The following HTR4 variants were observed in gnomAD, a reference collection of about 807,000 sequenced individuals.
The protein encoded by HTR4 is 5-hydroxytryptamine (serotonin) receptor 4, G protein-coupled.
A neutral mutation model predicts 36.8 loss-of-function variants in HTR4; 16 were observed. That is an observed-to-expected ratio of 0.43 (90% CI 0.29 to 0.66). The LOEUF is 0.66. Ranked by LOEUF, HTR4 falls within the 30% of genes least tolerant of loss-of-function variation. HTR4 has a pLI of 0.13. For missense variants in HTR4, 438 were observed against 490.9 expected (o/e 0.89, Z 1.02); for synonymous variants, 189 against 185.1 (o/e 1.02, Z -0.17).
chr5:148,582,983 T>G lies in HTR4; in HGVS notation c.27-32721A>C, dbSNP rs1279488256. 2.0e-5 allele frequency among the ~76,000 whole-genome samples: 3 copies of G among 151,608 alleles called. No individual in the cohort carries two copies. The East Asian group carries it at 5.8e-4, about 29-fold the overall frequency. The stretch of plus-strand genomic sequence containing the variant: ...CTTCCAACACTATGTTGAATAGCAG[T>G]GGTGAGAGAGGGCATCCCTGTCTTG... On this transcript the variant is annotated intron_variant, in intron 2 of 6. Transcript: ENST00000377888.
intron 2 of HTR4, among the ~76,000 whole-genome samples, chr5:148,562,678 A>G (rs1760266690): frequency 6.6e-6 from 1 of 152,188 alleles, no homozygotes; most frequent in Admixed American, 6.5e-5. Flanking sequence ...AACATGTTCA[A>G]AATTGAACTC....
intron 5 of HTR4, among the ~76,000 whole-genome samples, chr5:148,516,158 T>C (rs1418040517): frequency 2.0e-5 from 3 of 151,592 alleles, no homozygotes; most frequent in Non-Finnish European, 4.4e-5. Context: ...TCCTCTTGAA[T>C]TGATATTGTT....
chr5:148,597,650 CACTG>C (rs1008297430), intron 2 of HTR4, among the ~76,000 whole-genome samples: 1 of 152,204 alleles, frequency 6.6e-6, no homozygotes, highest in Non-Finnish European at 1.5e-5. Flanking sequence ...GCTCCCCAAC[CACTG>C]TCTAGCCTCT....
chr5:148,515,468 T>G (rs1039143366), intron 5 of HTR4, among the ~76,000 whole-genome samples: 1 of 152,212 alleles, frequency 6.6e-6, no homozygotes, highest in Non-Finnish European at 1.5e-5. Context: ...CTGGGATTAT[T>G]TTCTTTTTGA....
intron 6 of HTR4, among the ~76,000 whole-genome samples, chr5:148,507,924 AT>A (rs1454941200): frequency 2.0e-5 from 3 of 152,190 alleles, no homozygotes; most frequent in African/African-American, 7.2e-5. Context: ...TTATGGTTGA[AT>A]TCTTTCTATG....
chr5:148,510,472 C>CTTGCACA (rs1757445985), intron 5 of HTR4, among the ~76,000 whole-genome samples: 1 of 152,216 alleles, frequency 6.6e-6, no homozygotes, highest in Non-Finnish European at 1.5e-5. Flanking sequence ...AGATCAGTCT[C>CTTGCACA]TTAACAGAAT....
At chr5:148,524,464 C>T (rs1343003861) in intron 4 of HTR4, among the ~76,000 whole-genome samples, 1 of 152,122 alleles carries the variant, frequency 6.6e-6, no homozygotes, top group Non-Finnish European at 1.5e-5. Context: ...CTTTTGATTC[C>T]ATGTTCTGCC....
exon 6 of HTR4, chr5:148,451,075 A>G: frequency 3.8e-6 from 6 of 1,565,666 alleles, no homozygotes; most frequent in Non-Finnish European, 5.2e-6. Flanking sequence ...CTCAGCCCCT[A>G]CTACCTGATG....
chr5:148,555,030 AT>A (rs1759877068), intron 2 of HTR4, among the ~76,000 whole-genome samples: 1 of 151,338 alleles, frequency 6.6e-6, no homozygotes, highest in Non-Finnish European at 1.5e-5. Context: ...TAAAATGCTT[AT>A]TTTATATATT....
intron 5 of HTR4, among the ~76,000 whole-genome samples, chr5:148,512,142 T>A (rs1757527708): frequency 2.0e-5 from 3 of 152,204 alleles, no homozygotes; most frequent in Admixed American, 1.3e-4. Context: ...CAGTCCCAAT[T>A]CTTGCAGCTG....
chr5:148,510,263 G>T (rs1195276306), intron 5 of HTR4, among the ~76,000 whole-genome samples: 2 of 152,144 alleles, frequency 1.3e-5, no homozygotes, highest in African/African-American at 4.8e-5. Flanking sequence ...TTTCTTATAA[G>T]CCTACAATAC....
chr5:148,487,434 G>A (rs1202175911), intron 6 of HTR4, among the ~76,000 whole-genome samples: 1 of 152,072 alleles, frequency 6.6e-6, no homozygotes, highest in Non-Finnish European at 1.5e-5. Context: ...GGAGGAGGAG[G>A]AGGAGAATCA....
chr5:148,565,199 A>C (rs1023690262), intron 2 of HTR4, among the ~76,000 whole-genome samples: 2 of 151,980 alleles, frequency 1.3e-5, no homozygotes, highest in Non-Finnish European at 2.9e-5. Context: ...AATCCTAGCT[A>C]TTAATATTCA....
intron 4 of HTR4, among the ~76,000 whole-genome samples, chr5:148,545,301 G>A (rs1759332996): frequency 6.6e-6 from 1 of 152,210 alleles, no homozygotes; most frequent in Admixed American, 6.5e-5. Context: ...TTATTGGCAT[G>A]ACTCTCACAA....
At chr5:148,557,886 G>A (rs572455035) in intron 2 of HTR4, among the ~76,000 whole-genome samples, 24 of 151,370 alleles carry the variant, frequency 1.6e-4, no homozygotes, top group African/African-American at 5.6e-4. Context: ...AGGGAAACTA[G>A]AGTACTTTTT....
At chr5:148,603,989 A>G (rs980882898) in intron 2 of HTR4, among the ~76,000 whole-genome samples, 1 of 152,134 alleles carries the variant, frequency 6.6e-6, no homozygotes, top group African/African-American at 2.4e-5. Flanking sequence ...TTAAAAACTC[A>G]TCATAACCCT....
chr5:148,458,062 A>AT (rs1755159481), intron 5 of HTR4, among the ~76,000 whole-genome samples: 1 of 136,956 alleles, frequency 7.3e-6, no homozygotes, highest in Non-Finnish European at 1.6e-5. Flanking sequence ...TTATATTTTA[A>AT]GATCTATTTA....
At chr5:148,555,616 A>G (rs140918641) in intron 2 of HTR4, among the ~76,000 whole-genome samples, 444 of 152,316 alleles carry the variant, frequency 2.9e-3, no homozygotes, top group Non-Finnish European at 4.5e-3. Context: ...GTCAACCACA[A>G]CTGGACAGCT....
intron 6 of HTR4, among the ~76,000 whole-genome samples, chr5:148,506,997 C>G (rs1439229692): frequency 6.6e-6 from 1 of 152,062 alleles, no homozygotes; most frequent in Non-Finnish European, 1.5e-5. Context: ...CTAGAAATAC[C>G]ATTTGACCCA....
Sources: allele counts gnomAD v4.1 joint callset (sites outside exome capture counted in the v4.1 genomes callset), GRCh38; gene constraint gnomAD v4.1.1; transcripts MANE v1.5; gene names NCBI Gene and HGNC (gene_info 2026-07-23, HGNC 2026-07-21).